Variants in LARP1B observed in about 807,000 individuals in gnomAD.
LARP1B encodes the protein La ribonucleoprotein 1B, also known as la-related protein 1B.
A neutral mutation model predicts 114.2 loss-of-function variants in LARP1B; 76 were observed. The observed-to-expected ratio is 0.67, with a 90% CI of 0.55 to 0.81. The LOEUF (loss-of-function observed/expected upper bound fraction) is 0.81. Ranked by LOEUF, LARP1B falls within the 30% of genes least tolerant of loss-of-function variation. The probability of loss-of-function intolerance (pLI) is 0.00; values close to 1 mark genes in which losing one functional copy is unlikely to be tolerated. For synonymous variants in LARP1B, 345 were observed against 348.0 expected (o/e 0.99, Z 0.10); for missense variants, 1,014 against 1,075.8 (o/e 0.94, Z 0.80).
At chr4:128,123,166 C>G (rs1338032062) in intron 11 of LARP1B, 2 of 985,246 alleles carry the variant, frequency 2.0e-6, no homozygotes, top group South Asian at 9.4e-5. Context: ...TCTTTTCTTC[C>G]TGGAATCCCC....
chr4:128,129,406 A>T (rs937674222), intron 11 of LARP1B, among the ~76,000 whole-genome samples: 1 of 151,540 alleles, frequency 6.6e-6, no homozygotes, highest in Non-Finnish European at 1.5e-5. Flanking sequence ...TGTTCATATT[A>T]TAGATAGGAA....
At position 128,096,902 on chromosome 4, in the gene LARP1B, C is replaced by T. The variant is rs114996929; in HGVS notation, c.669-1284C>T. 5.3e-3 allele frequency among the ~76,000 whole-genome samples: 794 copies of T among 151,070 alleles called. 6 individuals are homozygous for T. Among genetic ancestry groups the T allele is most frequent in the African/African-American group, 0.018 (759 of 41,136 alleles). On this transcript the variant is annotated intron_variant, in intron 7 of 19. Coordinates refer to ENST00000326639, the MANE Select transcript of LARP1B (RefSeq NM_018078.4). ...GGCGTGAGCCACCATGCCTGGCTAACGTCTTTTATTATTGTTTTTAGACAG... is the reference window on the plus strand; with the variant it reads ...GGCGTGAGCCACCATGCCTGGCTAATGTCTTTTATTATTGTTTTTAGACAG...
chr4:128,208,126 A>T (rs1373588078), intron 19 of LARP1B, among the ~76,000 whole-genome samples: 4 of 152,086 alleles, frequency 2.6e-5, no homozygotes. Flanking sequence ...CCAGGAGTTC[A>T]AGACCAGCCT....
At chr4:128,107,401 A>G in intron 9 of LARP1B, 88 bp downstream of exon 9, 1 of 1,532,850 alleles carries the variant, frequency 6.5e-7, no homozygotes, top group South Asian at 1.2e-5. Context: ...CAGTTTATTT[A>G]GATTTGATAG....
chr4:128,172,546 C>T (rs138853980), intron 12 of LARP1B, among the ~76,000 whole-genome samples: 2,720 of 151,714 alleles, frequency 0.018, 63 homozygotes, highest in East Asian at 0.1. Context: ...TACAAAAATT[C>T]GCTGGGTGTG....
chr4:128,206,129 A>C (rs1757524992), intron 17 of LARP1B, among the ~76,000 whole-genome samples: 2 of 152,034 alleles, frequency 1.3e-5, no homozygotes. Context: ...CGTCTCTACT[A>C]AAAATACAAA....
In LARP1B at chr4:128,196,498, G is replaced by A. The variant is rs571711947; in HGVS notation, c.2004-2941G>A. ...CATGCCACTGCACTCCAGTCTGGGC[G>A]ACAGAGCAAGACCCTGTCTCAAAAA... On this transcript the variant is annotated intron_variant, in intron 15 of 19. Transcript: ENST00000326639. 2.9e-4 allele frequency among the ~76,000 whole-genome samples: 44 copies of A among 151,626 alleles called. 1 individual carries two copies. The South Asian group carries it at 3.3e-3, about 11-fold the overall frequency.
chr4:128,164,349 G>A (rs1739792655), intron 12 of LARP1B, among the ~76,000 whole-genome samples: 3 of 152,084 alleles, frequency 2.0e-5, no homozygotes, highest in Admixed American at 6.6e-5. Flanking sequence ...TTTTTGCCTT[G>A]TTAAATTTGA....
At chr4:128,061,242 C>G (rs1341130252), upstream of LARP1B, 2 of 152,110 alleles carry the variant, frequency 1.3e-5, no homozygotes, top group African/African-American at 2.4e-5. Flanking sequence ...AGCCACGTCA[C>G]GCTCCTCAGG....
chr4:128,100,491 C>G (rs1331846176), intron 8 of LARP1B, among the ~76,000 whole-genome samples: 1 of 151,564 alleles, frequency 6.6e-6, no homozygotes, highest in East Asian at 1.9e-4. Context: ...CCAGGATGGT[C>G]TTGATCTTTT....
At chr4:128,126,074 G>A (rs922636645) in intron 11 of LARP1B, among the ~76,000 whole-genome samples, 2 of 150,422 alleles carry the variant, frequency 1.3e-5, no homozygotes, top group Admixed American at 1.3e-4. Context: ...GTGAGAATGA[G>A]CAAAAGTAAC....
At chr4:128,061,869 C>G (rs1421250393) in intron 1 of LARP1B, 1 of 985,086 alleles carries the variant, frequency 1.0e-6, no homozygotes, top group African/African-American at 1.7e-5. Context: ...GCCACTAGCG[C>G]TGGGGCGCGG....
At chr4:128,084,643 G>T (rs1772648739) in intron 5 of LARP1B, among the ~76,000 whole-genome samples, 1 of 151,886 alleles carries the variant, frequency 6.6e-6, no homozygotes, top group Non-Finnish European at 1.5e-5. Flanking sequence ...AGGGGGAGAG[G>T]GAGAGGGAGA....
chr4:128,139,723 A>T (rs1333660210), intron 11 of LARP1B, among the ~76,000 whole-genome samples: 1 of 152,234 alleles, frequency 6.6e-6, no homozygotes, highest in Non-Finnish European at 1.5e-5. Flanking sequence ...TTACAAAAGA[A>T]GAAGTCTAAA....
chr4:128,115,403 A>C (rs571737604), intron 10 of LARP1B, among the ~76,000 whole-genome samples: 344 of 152,226 alleles, frequency 2.3e-3, no homozygotes, highest in Non-Finnish European at 3.6e-3. Context: ...CTCTACAAAT[A>C]ATTCATAAAG....
intron 5 of LARP1B, among the ~76,000 whole-genome samples, chr4:128,090,355 G>A (rs1775454864): frequency 6.6e-6 from 1 of 152,190 alleles, no homozygotes; most frequent in Non-Finnish European, 1.5e-5. Flanking sequence ...TTGCCGGCCT[G>A]AGCCACCGCG....
At chr4:128,083,833 C>T (rs2149485211) in intron 5 of LARP1B, among the ~76,000 whole-genome samples, 1 of 151,458 alleles carries the variant, frequency 6.6e-6, no homozygotes, top group South Asian at 2.1e-4. Flanking sequence ...GACGGGGCGG[C>T]TGCCGGGCGG....
chr4:128,127,752 G>GA (rs1230538268), intron 11 of LARP1B, among the ~76,000 whole-genome samples: 1 of 152,174 alleles, frequency 6.6e-6, no homozygotes, highest in Non-Finnish European at 1.5e-5. Context: ...GGAATTGCTT[G>GA]AACCCCGGGA....
At chr4:128,108,717 T>C in intron 9 of LARP1B, 1 of 985,030 alleles carries the variant, frequency 1.0e-6, no homozygotes, top group Admixed American at 6.1e-5. Flanking sequence ...TTATTTATGA[T>C]ATCAACTTGG....
Sources: allele counts gnomAD v4.1 joint callset (sites outside exome capture counted in the v4.1 genomes callset), GRCh38; gene constraint gnomAD v4.1.1; transcripts MANE v1.5; gene names NCBI Gene and HGNC (gene_info 2026-07-23, HGNC 2026-07-21).